The following FBXL7 variants were observed in gnomAD, a reference collection of about 807,000 sequenced individuals.
The protein encoded by FBXL7 is F-box/LRR-repeat protein 7.
A neutral mutation model predicts 38.3 loss-of-function variants in FBXL7; 12 were observed. That is an observed-to-expected ratio of 0.31 (90% CI 0.20 to 0.51). The LOEUF is 0.51. FBXL7 is among the 20% of genes least tolerant of loss of function. The pLI, the probability that FBXL7 is intolerant of heterozygous loss-of-function variation, is 0.98. For synonymous variants in FBXL7, 297 were observed against 300.9 expected (o/e 0.99, Z 0.13); for missense variants, 567 against 676.4 (o/e 0.84, Z 1.79).
At chr5:15,643,876 G>A (rs569066073) in intron 2 of FBXL7, among the ~76,000 whole-genome samples, 22 of 152,214 alleles carry the variant, frequency 1.4e-4, no homozygotes, top group African/African-American at 5.1e-4. Flanking sequence ...ACAGAAACAG[G>A]GAGAAATTGT....
chr5:15,891,276 C>T (rs761831482), intron 2 of FBXL7, among the ~76,000 whole-genome samples: 1 of 152,150 alleles, frequency 6.6e-6, no homozygotes, highest in Non-Finnish European at 1.5e-5. Flanking sequence ...ACAAGCCTAA[C>T]CTAGGGACAG....
chr5:15,603,736 C>G (rs958390498), intron 1 of FBXL7, among the ~76,000 whole-genome samples: 1 of 152,130 alleles, frequency 6.6e-6, no homozygotes, highest in Non-Finnish European at 1.5e-5. Context: ...AGAAAGTACT[C>G]GTTAGAACAT....
intron 2 of FBXL7, among the ~76,000 whole-genome samples, chr5:15,660,515 CCTG>C: frequency 6.6e-6 from 1 of 152,162 alleles, no homozygotes; most frequent in African/African-American, 2.4e-5. Context: ...CACCACCATG[CCTG>C]GCTAATTTTG....
chr5:15,849,702 A>G (rs1739035121), intron 2 of FBXL7, among the ~76,000 whole-genome samples: 2 of 152,206 alleles, frequency 1.3e-5, no homozygotes, highest in African/African-American at 4.8e-5. Context: ...AGCAGAGTGG[A>G]AACAGATTAA....
At chr5:15,891,233 G>A (rs1369599946) in intron 2 of FBXL7, among the ~76,000 whole-genome samples, 2 of 152,128 alleles carry the variant, frequency 1.3e-5, no homozygotes, top group African/African-American at 4.8e-5. Context: ...TCAAGTTCTT[G>A]CTCAAGTCAG....
At chr5:15,854,259 G>GT (rs1162054158) in intron 2 of FBXL7, among the ~76,000 whole-genome samples, 2 of 152,054 alleles carry the variant, frequency 1.3e-5, no homozygotes, top group Admixed American at 1.3e-4. Flanking sequence ...ACTAAGAAGT[G>GT]TTTTTTCCTC....
At chr5:15,610,177 T>G (rs1481864301) in intron 1 of FBXL7, among the ~76,000 whole-genome samples, 4 of 152,202 alleles carry the variant, frequency 2.6e-5, no homozygotes. Flanking sequence ...GCGGGAATTT[T>G]GGGAGCTACA....
chr5:15,801,656 T>C (rs532501233), intron 2 of FBXL7, among the ~76,000 whole-genome samples: 13 of 147,024 alleles, frequency 8.8e-5, no homozygotes, highest in East Asian at 7.9e-4. Context: ...TGTGTGTGTG[T>C]GCGCGCGCGC....
chr5:15,566,862 GA>G (rs1482845744), intron 1 of FBXL7, among the ~76,000 whole-genome samples: 18 of 152,092 alleles, frequency 1.2e-4, no homozygotes, highest in African/African-American at 4.3e-4. Flanking sequence ...AATCACTTTT[GA>G]AATAAAATGT....
At chr5:15,763,496 G>A (rs74397369) in intron 2 of FBXL7, among the ~76,000 whole-genome samples, 1 of 152,110 alleles carries the variant, frequency 6.6e-6, no homozygotes, top group African/African-American at 2.4e-5. Context: ...CCAGGTTATT[G>A]GTCTTTTGTT....
intron 2 of FBXL7, among the ~76,000 whole-genome samples, chr5:15,725,658 G>C (rs1744325816): frequency 6.6e-6 from 1 of 152,026 alleles, no homozygotes; most frequent in South Asian, 2.1e-4. Context: ...TGTTGCTGTT[G>C]AGAGGGAGTC....
chr5:15,622,453 A>G (rs1378168128), intron 2 of FBXL7, among the ~76,000 whole-genome samples: 1 of 152,122 alleles, frequency 6.6e-6, no homozygotes, highest in East Asian at 1.9e-4. Flanking sequence ...CACCCGACAC[A>G]GGCCCCGGTG....
chr5:15,630,388 G>A (rs932673458), intron 2 of FBXL7, among the ~76,000 whole-genome samples: 2 of 151,654 alleles, frequency 1.3e-5, no homozygotes, highest in Non-Finnish European at 2.9e-5. Context: ...ATTAGAGCTT[G>A]TGATTTTTTA....
At chr5:15,802,062 T>C (rs1737584413) in intron 2 of FBXL7, among the ~76,000 whole-genome samples, 1 of 152,038 alleles carries the variant, frequency 6.6e-6, no homozygotes, top group African/African-American at 2.4e-5. Context: ...GCATCCCCAA[T>C]TCTCACCTTT....
chr5:15,643,864 A>C (rs1433901809), intron 2 of FBXL7, among the ~76,000 whole-genome samples: 1 of 152,208 alleles, frequency 6.6e-6, no homozygotes, highest in Non-Finnish European at 1.5e-5. Context: ...AGGCCATGTC[A>C]AACAGAAACA....
chr5:15,937,255 T>C lies in FBXL7; in HGVS notation c.*69T>C. On this transcript the variant is annotated 3_prime_UTR_variant, in exon 4 of 4. Transcript: ENST00000504595. ...AAAGCAAATTTTTTTAAAAGCAGCG[T>C]ATGTAAGCACCGACACCCACTCAAA... is the stretch of plus-strand genomic sequence containing the variant. 1 of 1,450,104 alleles carries C rather than the reference T, an allele frequency of 6.9e-7. No individual in the cohort carries two copies. Among genetic ancestry groups the C allele is most frequent in the Non-Finnish European group, 9.1e-7 (1 of 1,101,842 alleles). The allele number at this position is 1,450,104 out of a possible 1,614,324, so 89.8% of individuals were successfully genotyped here. A position where few individuals can be genotyped will look rare whatever the true frequency, so the allele number is the denominator to read the frequency against.
intron 2 of FBXL7, among the ~76,000 whole-genome samples, chr5:15,757,515 A>T (rs1415728987): frequency 6.7e-6 from 1 of 149,880 alleles, no homozygotes; most frequent in Non-Finnish European, 1.5e-5. Context: ...TCCTGCTGAA[A>T]CTCTGTAGAT....
chr5:15,658,731 A>G (rs996759855), intron 2 of FBXL7, among the ~76,000 whole-genome samples: 1 of 152,116 alleles, frequency 6.6e-6, no homozygotes, highest in Non-Finnish European at 1.5e-5. Flanking sequence ...TGCACCGGTA[A>G]TCAGAACGGA....
chr5:15,764,491 A>G (rs1183549072), intron 2 of FBXL7, among the ~76,000 whole-genome samples: 5 of 152,218 alleles, frequency 3.3e-5, no homozygotes, highest in Admixed American at 2.0e-4. Context: ...GAGGAAAAGT[A>G]CAGAGGCCTC....
Sources: allele counts gnomAD v4.1 joint callset (sites outside exome capture counted in the v4.1 genomes callset), GRCh38; gene constraint gnomAD v4.1.1; transcripts MANE v1.5; gene names NCBI Gene and HGNC (gene_info 2026-07-23, HGNC 2026-07-21).